The following CDKL3 variants were observed in gnomAD, a reference collection of about 807,000 sequenced individuals.
CDKL3 encodes the protein cyclin-dependent kinase-like 3.
A neutral mutation model predicts 69.3 loss-of-function variants in CDKL3; 65 were observed. That is an observed-to-expected ratio of 0.94 (90% CI 0.77 to 1.15). CDKL3 has a LOEUF of 1.15. Ranked by LOEUF, CDKL3 falls within the 50% of genes most tolerant of loss-of-function variation. The pLI is 0.00. For missense variants in CDKL3, 652 were observed against 689.2 expected (o/e 0.95, Z 0.61); for synonymous variants, 202 against 221.6 (o/e 0.91, Z 0.79).
intron 3 of CDKL3, among the ~76,000 whole-genome samples, chr5:134,353,864 T>C (rs531463706): frequency 1.4e-4 from 21 of 152,110 alleles, no homozygotes; most frequent in Non-Finnish European, 2.8e-4. Context: ...AGCCTGATCA[T>C]GTCACTTCTT....
At chr5:134,303,033 A>G (rs1766729813) in intron 11 of CDKL3, among the ~76,000 whole-genome samples, 1 of 152,110 alleles carries the variant, frequency 6.6e-6, no homozygotes, top group East Asian at 1.9e-4. Flanking sequence ...TTCTTCAAAG[A>G]AACATAACAT....
At position 134,351,210 on chromosome 5, in the gene CDKL3, C is replaced by T. The variant is rs569772556; in HGVS notation, c.361-783G>A. Among the ~76,000 whole-genome samples, 4 of 152,292 alleles carry T rather than the reference C, an allele frequency of 2.6e-5. No homozygotes were observed. The South Asian group carries it at 8.3e-4, about 32-fold the overall frequency. ...ATCTCCTCCTACCTACCTGGCAGCT[C>T]CTCTTTCTCTGTCTGTTCCTAAAAC... On this transcript the variant is annotated intron_variant, in intron 3 of 12. Coordinates refer to ENST00000265334, the MANE Select transcript of CDKL3 (RefSeq NM_001113575.2).
intron 11 of CDKL3, among the ~76,000 whole-genome samples, chr5:134,303,269 G>T (rs183620940): frequency 2.1e-4 from 32 of 152,034 alleles, no homozygotes; most frequent in South Asian, 6.2e-4. Context: ...TAGAGATGGG[G>T]TTTTGCCATA....
intron 3 of CDKL3, among the ~76,000 whole-genome samples, chr5:134,358,611 T>C (rs1385885947): frequency 4.6e-5 from 7 of 151,924 alleles, no homozygotes; most frequent in African/African-American, 1.7e-4. Context: ...TATTTATTTA[T>C]TTATTTTATT....
downstream of CDKL3, among the ~76,000 whole-genome samples, chr5:134,283,426 A>T (rs1201851884): frequency 6.6e-6 from 1 of 152,210 alleles, no homozygotes; most frequent in Non-Finnish European, 1.5e-5. Context: ...GGCAAGGAGC[A>T]GCAAGTCACA....
chr5:134,298,743 G>A (rs752210548), intron 12 of CDKL3, 33 bp from the exon 13 acceptor site: 7 of 1,596,914 alleles, frequency 4.4e-6, no homozygotes, highest in Middle Eastern at 3.3e-4. Context: ...TAAGAATCAG[G>A]GACTGGAATG....
At chr5:134,348,782 A>G (rs969248809) in intron 4 of CDKL3, among the ~76,000 whole-genome samples, 1 of 148,564 alleles carries the variant, frequency 6.7e-6, no homozygotes, top group Non-Finnish European at 1.5e-5. Flanking sequence ...GAGGCAAAAA[A>G]GAAATAAAGA....
intron 4 of CDKL3, among the ~76,000 whole-genome samples, chr5:134,333,990 C>G (rs1370282105): frequency 6.6e-6 from 1 of 152,078 alleles, no homozygotes; most frequent in East Asian, 1.9e-4. Context: ...ATTTCAGAAC[C>G]TGTTATTGGT....
intron 4 of CDKL3, among the ~76,000 whole-genome samples, chr5:134,325,406 T>A (rs1773888570): frequency 6.6e-6 from 1 of 152,252 alleles, no homozygotes; most frequent in South Asian, 2.1e-4. Flanking sequence ...CTTGCTTATT[T>A]CACAAGTTTT....
intron 4 of CDKL3, among the ~76,000 whole-genome samples, chr5:134,346,457 G>T (rs1295109823): frequency 6.6e-6 from 1 of 152,130 alleles, no homozygotes; most frequent in African/African-American, 2.4e-5. Flanking sequence ...TGTTATAAGG[G>T]TATTGGCTGT....
At chr5:134,304,380 G>C in intron 11 of CDKL3, 25 bp downstream of exon 11, 1 of 1,539,516 alleles carries the variant, frequency 6.5e-7, no homozygotes, top group Non-Finnish European at 8.8e-7. Context: ...CATCATAATT[G>C]TAAAGCTATG....
intron 4 of CDKL3, among the ~76,000 whole-genome samples, chr5:134,333,857 A>G (rs1190520297): frequency 6.6e-6 from 1 of 152,130 alleles, no homozygotes; most frequent in African/African-American, 2.4e-5. Context: ...CTCTTTTTCT[A>G]CTGATGGGAA....
At chr5:134,363,649 C>T (rs150949571) in intron 2 of CDKL3, among the ~76,000 whole-genome samples, 2,091 of 151,980 alleles carry the variant, frequency 0.014, 28 homozygotes, top group Non-Finnish European at 0.022. Context: ...TTAGTAGAGA[C>T]AGGGTTTCAC....
chr5:134,371,359 G>A (rs949936167), upstream of CDKL3: 7 of 616,976 alleles, frequency 1.1e-5, no homozygotes, highest in Non-Finnish European at 2.0e-5. Flanking sequence ...CGGGGAAGGC[G>A]CGCTCCCGCG....
chr5:134,322,334 A>C (rs952535842), intron 4 of CDKL3, among the ~76,000 whole-genome samples: 2 of 152,078 alleles, frequency 1.3e-5, no homozygotes, highest in African/African-American at 4.8e-5. Flanking sequence ...TTTATTGTAG[A>C]TCATATACCG....
chr5:134,311,838 AG>A (rs1769606816), intron 7 of CDKL3, among the ~76,000 whole-genome samples: 1 of 152,184 alleles, frequency 6.6e-6, no homozygotes, highest in South Asian at 2.1e-4. Context: ...CCTGTCACCC[AG>A]GCTGGAGTGC....
intron 4 of CDKL3, among the ~76,000 whole-genome samples, chr5:134,345,559 G>C (rs1183172739): frequency 1.3e-5 from 2 of 152,216 alleles, no homozygotes; most frequent in Admixed American, 6.5e-5. Flanking sequence ...AGTCCGAAAA[G>C]AGAGTCAGCA....
In CDKL3 at chr5:134,360,104, G is replaced by C; in HGVS notation, c.166-13C>G. On this transcript the variant is annotated splice_polypyrimidine_tract_variant and intron_variant, in intron 2 of 12. Coordinates refer to ENST00000265334, the MANE Select transcript of CDKL3 (RefSeq NM_001113575.2). ...CGTGATGAAATTGCTATTGACAAAA[G>C]AAACAACACAAATTTTTAATTATTT... 3.3e-6 allele frequency: 5 copies of C among 1,503,992 alleles called. No individual in the cohort carries two copies. The highest frequency in any genetic ancestry group is 2.3e-4 in the Middle Eastern group (1 of 4,358). The allele number at this position is 1,503,992 out of a possible 1,614,324, so 93.2% of individuals were successfully genotyped here.
rs553251128 is a variant in CDKL3, at chr5:134,311,560, T to C, written c.881+732A>G. On this transcript the variant is annotated intron_variant, in intron 7 of 12. Transcript: ENST00000265334. ...AGAGAATAAGTAGAAAAAAAATCAT[T>C]TGGGAAGTGCATGCTAATTATGATA... Among the ~76,000 whole-genome samples the C allele has an allele frequency of 1.3e-4, 20 of 151,798 alleles. No individual in the cohort carries two copies. The South Asian group carries it at 1.7e-3, about 13-fold the overall frequency.
Sources: allele counts gnomAD v4.1 joint callset (sites outside exome capture counted in the v4.1 genomes callset), GRCh38; gene constraint gnomAD v4.1.1; transcripts MANE v1.5; gene names NCBI Gene and HGNC (gene_info 2026-07-23, HGNC 2026-07-21).